Variants in TPM3 observed in about 807,000 individuals in gnomAD.
TPM3 encodes tropomyosin alpha-3 chain.
TPM3 carries 16 observed loss-of-function variants against 43.1 expected under a neutral mutation model. The observed-to-expected ratio is 0.37, with a 90% confidence interval of 0.25 to 0.56. TPM3 has a LOEUF of 0.56. Ranked by LOEUF, TPM3 falls within the 20% of genes least tolerant of loss-of-function variation. TPM3 has a pLI of 0.77. For synonymous variants in TPM3, 101 were observed against 116.9 expected (o/e 0.86, Z 0.88); for missense variants, 176 against 337.2 (o/e 0.52, Z 3.74).
chr1:154,157,304 T>C, downstream of TPM3: 1 of 445,718 alleles, frequency 2.2e-6, no homozygotes, highest in South Asian at 2.2e-5. Flanking sequence ...GTGGAATTAT[T>C]TGGAATGTTT....
intron 2 of TPM3, chr1:154,183,557 A>G: frequency 3.0e-6 from 1 of 332,862 alleles, no homozygotes; most frequent in Non-Finnish European, 5.9e-6. Flanking sequence ...GTCACCCCTC[A>G]CTGTATTTGC....
chr1:154,170,665 G>A lies in TPM3; in HGVS notation c.689C>T (p.Thr230Ile), dbSNP rs1359718643. 1.2e-6 allele frequency: 2 copies of A among 1,612,764 alleles called. No individual in the cohort carries two copies. The highest frequency in any genetic ancestry group is 1.7e-5 in the Admixed American group (1 of 60,004). ...TCAGCTCACCTCCTTGAGTTTATCA[G>A]TAAGAATCTTGATTTCTTCCTCATA... is the stretch of plus-strand genomic sequence containing the variant. ...DKYEEEIKILTDKLKEAETRA... is the reference protein window; with the variant it reads ...DKYEEEIKILIDKLKEAETRA... Residue 230 changes from threonine to isoleucine, a missense_variant, in exon 7 of 10, where the codon ACT becomes ATT. This residue lies in a region of TPM3 where 53 missense variants were observed against 98.3 expected (regional missense o/e 0.54). Transcript: ENST00000651641.
At chr1:154,180,767 T>TA (rs903096894) in intron 2 of TPM3, among the ~76,000 whole-genome samples, 60 of 150,486 alleles carry the variant, frequency 4.0e-4, no homozygotes, top group Non-Finnish European at 6.1e-4. Flanking sequence ...AATAAAATAA[T>TA]AAAAAAAAAT....
intron 3 of TPM3, among the ~76,000 whole-genome samples, chr1:154,173,433 G>A (rs1461415230): frequency 6.6e-6 from 1 of 152,176 alleles, no homozygotes; most frequent in African/African-American, 2.4e-5. Flanking sequence ...GGGAGGCTGA[G>A]GCGGGCAGAT....
chr1:154,187,568 C>T, intron 2 of TPM3: 1 of 950,680 alleles, frequency 1.1e-6, no homozygotes, highest in Non-Finnish European at 1.2e-6. Context: ...GAGTAGACCA[C>T]ATCTAGGTGA....
At position 154,161,832 on chromosome 1, in the gene TPM3, T is replaced by C. The variant is rs1311209126; in HGVS notation, c.*6105A>G. Among the ~76,000 whole-genome samples the C allele has an allele frequency of 6.6e-6, 1 of 152,122 alleles. No individual in the cohort carries two copies. The highest frequency in any genetic ancestry group is 2.4e-5 in the African/African-American group (1 of 41,418). On this transcript the variant is annotated 3_prime_UTR_variant, in exon 10 of 10. Coordinates refer to ENST00000651641, the MANE Select transcript of TPM3 (RefSeq NM_152263.4). ...ACAGAGAAGGAGTGAGAGCATTTTA[T>C]TGCCTGACTAAATCACAGAACACAG... is the stretch of plus-strand genomic sequence containing the variant.
chr1:154,182,273 G>A (rs1663042797), intron 2 of TPM3, among the ~76,000 whole-genome samples: 1 of 152,214 alleles, frequency 6.6e-6, no homozygotes, highest in African/African-American at 2.4e-5. Flanking sequence ...AACGTTGAGA[G>A]AAGTACTATC....
chr1:154,177,042 G>A (rs573682304), intron 2 of TPM3, among the ~76,000 whole-genome samples: 11 of 150,518 alleles, frequency 7.3e-5, no homozygotes, highest in Admixed American at 5.9e-4. Context: ...AACTCAAACC[G>A]TTATTCCTAT....
intron 2 of TPM3, among the ~76,000 whole-genome samples, chr1:154,189,568 C>T (rs894015305): frequency 2.6e-5 from 4 of 152,008 alleles, no homozygotes; most frequent in South Asian, 2.1e-4. Context: ...CCGAGGCAGG[C>T]GGATCACCTG....
intron 2 of TPM3, among the ~76,000 whole-genome samples, chr1:154,186,900 A>G (rs1663436240): frequency 6.6e-6 from 1 of 151,560 alleles, no homozygotes; most frequent in Non-Finnish European, 1.5e-5. Flanking sequence ...GATAACCAGA[A>G]CTGCTTGTGT....
chr1:154,167,664 T>G lies in TPM3; in HGVS notation c.*273A>C. On this transcript the variant is annotated 3_prime_UTR_variant, in exon 10 of 10. Transcript: ENST00000651641. ...CAGAGGAGGGGGAGCCTACAATAGC[T>G]CTTCCCCACATCACACCCCCAAGGC... is the stretch of plus-strand genomic sequence containing the variant. 7.5e-7 allele frequency: 1 copy of G among 1,331,530 alleles called. No individual in the cohort carries two copies. 82.5% of individuals were successfully genotyped at this position (1,331,530 alleles called of 1,614,324 possible). A position where few individuals can be genotyped will look rare whatever the true frequency, so the allele number is the denominator to read the frequency against.
At position 154,166,648 on chromosome 1, in the gene TPM3, C is replaced by G. The variant is rs1661005564; in HGVS notation, c.*1289G>C. Reference sequence around the variant, plus strand: ...TGGATTAGTATAATTCACAGCTATACTATTAAGAAATCTCTGCTGTGTAAA... The same window carrying G: ...TGGATTAGTATAATTCACAGCTATAGTATTAAGAAATCTCTGCTGTGTAAA... On this transcript the variant is annotated 3_prime_UTR_variant, in exon 10 of 10. Coordinates refer to ENST00000651641, the MANE Select transcript of TPM3 (RefSeq NM_152263.4). 1 of 1,031,984 alleles carries G rather than the reference C, an allele frequency of 9.7e-7. No homozygotes were observed. 63.9% of individuals were successfully genotyped at this position (1,031,984 alleles called of 1,614,324 possible).
intron 2 of TPM3, among the ~76,000 whole-genome samples, chr1:154,176,653 GA>G (rs57237877): frequency 4.0e-3 from 519 of 129,008 alleles, no homozygotes; most frequent in Non-Finnish European, 7.0e-3. Context: ...CATAAAGCAG[GA>G]AAAAAAAAAA....
At chr1:154,172,805 G>T in intron 5 of TPM3, 103 bp downstream of exon 5, 1 of 1,447,610 alleles carries the variant, frequency 6.9e-7, no homozygotes, top group African/African-American at 1.4e-5. Flanking sequence ...CCTAGGCCCT[G>T]TTTAACAAGG....
intron 1 of TPM3, 147 bp from the exon 2 acceptor site, chr1:154,191,458 C>A: frequency 6.9e-7 from 1 of 1,445,000 alleles, no homozygotes; most frequent in Non-Finnish European, 9.4e-7. Flanking sequence ...CAGCCCACTG[C>A]CTCAGGAGTT....
At position 154,171,440 on chromosome 1, in the gene TPM3, G is replaced by C. The variant is rs1131561; in HGVS notation, c.615C>G (p.Leu205=). Residue 205 remains leucine (L), a synonymous_variant, in exon 6 of 10, where the codon CTC becomes CTG. Coordinates refer to ENST00000651641, the MANE Select transcript of TPM3 (RefSeq NM_152263.4). ...EEELKNVTNN[L]KSLEAQAEKY... ...TCTCCGCCTGAGCCTCAAGAGACTTGAGGTTGTTGGTGACATTCTTCAGCT... is the reference window on the plus strand; with the variant it reads ...TCTCCGCCTGAGCCTCAAGAGACTTCAGGTTGTTGGTGACATTCTTCAGCT... The C allele has an allele frequency of 6.2e-7, 1 of 1,614,064 alleles. No homozygotes were observed. Among genetic ancestry groups the C allele is most frequent in the African/African-American group, 1.3e-5 (1 of 74,928 alleles).
rs1661622283 is a variant in TPM3 at position 154,171,963 on chromosome 1, AC to A, written c.567-476del. 10 of 1,582,866 alleles carry A rather than the reference AC, an allele frequency of 6.3e-6. No homozygotes were observed. The Admixed American group carries it at 1.7e-4, about 26-fold the overall frequency. ...CAAGTGGAGGGGAGGCAGCTGCAAA[AC>A]AAAAACAAAACAAAACAAAACCACA... On this transcript the variant is annotated intron_variant, in intron 5 of 9. Transcript: ENST00000651641.
rs1219885271 is a variant in TPM3, at chr1:154,162,145, C to T, written c.*5792G>A. The stretch of plus-strand genomic sequence containing the variant: ...CAGCACTTTGGAAGGCCGAGGCGGG[C>T]AGATCACGAGGTCAGGAGTTTGAGA... On this transcript the variant is annotated 3_prime_UTR_variant, in exon 10 of 10. Coordinates refer to ENST00000651641, the MANE Select transcript of TPM3 (RefSeq NM_152263.4). Among the ~76,000 whole-genome samples the T allele has an allele frequency of 6.6e-6, 1 of 151,880 alleles. No homozygotes were observed. The highest frequency in any genetic ancestry group is 2.4e-5 in the African/African-American group (1 of 41,324).
intron 2 of TPM3, 67 bp from the exon 3 acceptor site, chr1:154,176,315 A>G: frequency 6.2e-7 from 1 of 1,610,636 alleles, no homozygotes; most frequent in South Asian, 1.1e-5. Context: ...TAACTATGAC[A>G]TTAAGATCAG....
Sources: gnomAD v4.1 joint callset for allele counts (sites outside exome capture counted in the v4.1 genomes callset) on GRCh38, gnomAD v4.1.1 for gene constraint, gnomAD v4.1.1 regional missense constraint, MANE v1.5 for transcripts, NCBI Gene and HGNC (gene_info 2026-07-23, HGNC 2026-07-21) for gene names.